AXDND1: variants seen among roughly 807,000 people sequenced by gnomAD.
The protein encoded by AXDND1 is axonemal dynein light chain domain containing 1, also known as axonemal dynein light chain domain-containing protein 1.
In AXDND1, 110 loss-of-function variants were observed where a neutral mutation model predicts 137.5. That is an observed-to-expected ratio of 0.80 (90% confidence interval 0.69 to 0.94). The LOEUF (loss-of-function observed/expected upper bound fraction) is 0.94. Among genes scored for constraint, AXDND1 ranks in the 40% least tolerant of loss-of-function variants. AXDND1 has a pLI of 0.00. For synonymous variants in AXDND1, 414 were observed against 399.7 expected, an observed-to-expected ratio of 1.04 and a Z score of -0.43; for missense variants, 1,191 against 1,169.8, an observed-to-expected ratio of 1.02 and a Z score of -0.26.
intron 15 of AXDND1, among the ~76,000 whole-genome samples, chr1:179,442,640 C>T (rs1205204350): frequency 2.6e-5 from 4 of 152,126 alleles, no homozygotes; most frequent in African/African-American, 9.7e-5. Flanking sequence ...GAAAACTTCC[C>T]ATTCCCATTA....
chr1:179,534,899 G>T lies in AXDND1; in HGVS notation c.2968G>T (p.Glu990Ter), dbSNP rs1278210663. ...NQDEREVKEE[E>*]EQQEEEEVRS... ...AGATGAAAGAGAAGTAAAAGAAGAAGAAGAACAACAAGAAGAAGAAGAAGT... is the reference window on the plus strand; with the variant it reads ...AGATGAAAGAGAAGTAAAAGAAGAATAAGAACAACAAGAAGAAGAAGAAGT... Residue 990 changes from glutamate (E) to a stop codon, truncating the protein, a stop_gained, in exon 25 of 26, where the codon GAA (glutamate) becomes TAA (stop). Coordinates refer to ENST00000367618, the MANE Select transcript of AXDND1 (RefSeq NM_144696.6). LOFTEE classifies it high-confidence loss of function. 1 of 1,585,434 alleles carries T rather than the reference G, an allele frequency of 6.3e-7. No homozygotes were observed. Among genetic ancestry groups the T allele is most frequent in the Non-Finnish European group, 8.6e-7 (1 of 1,163,534 alleles).
intron 16 of AXDND1, chr1:179,454,529 G>A (rs1661013592): frequency 6.6e-6 from 1 of 152,270 alleles, no homozygotes. Context: ...CATGGGAATG[G>A]AGAAGAGGAA....
chr1:179,499,381 A>G (rs1218636954), intron 20 of AXDND1, among the ~76,000 whole-genome samples: 1 of 152,054 alleles, frequency 6.6e-6, no homozygotes, highest in East Asian at 1.9e-4. Context: ...AAAATATTTC[A>G]AAAGACCTCA....
At chr1:179,389,846 A>T (rs950115294) in intron 9 of AXDND1, among the ~76,000 whole-genome samples, 2 of 152,020 alleles carry the variant, frequency 1.3e-5, no homozygotes, top group Non-Finnish European at 2.9e-5. Context: ...TTTTAAATTG[A>T]TATTTCCAAT....
chr1:179,508,906 A>G (rs1345840152), intron 20 of AXDND1, among the ~76,000 whole-genome samples: 1 of 152,194 alleles, frequency 6.6e-6, no homozygotes, highest in Non-Finnish European at 1.5e-5. Context: ...AATGCTTAGA[A>G]CAGAGTCTGG....
At chr1:179,388,845 C>T (rs1049840149) in intron 9 of AXDND1, among the ~76,000 whole-genome samples, 3 of 151,994 alleles carry the variant, frequency 2.0e-5, no homozygotes, top group Non-Finnish European at 1.5e-5. Flanking sequence ...ATCCGCCCAC[C>T]TCAGCCTCCC....
chr1:179,396,793 T>C (rs1284412451), intron 11 of AXDND1, among the ~76,000 whole-genome samples: 1 of 152,232 alleles, frequency 6.6e-6, no homozygotes, highest in Non-Finnish European at 1.5e-5. Flanking sequence ...TAATGTATAA[T>C]TTATGTATCA....
intron 2 of AXDND1, 47 bp from the exon 3 acceptor site, chr1:179,368,753 T>G (rs1247749471): frequency 1.3e-6 from 2 of 1,491,616 alleles, no homozygotes; most frequent in African/African-American, 2.8e-5. Flanking sequence ...TCCATCTAAC[T>G]TAAAAAAATA....
chr1:179,466,707 G>A (rs1276880012), intron 16 of AXDND1, among the ~76,000 whole-genome samples: 3 of 151,856 alleles, frequency 2.0e-5, no homozygotes, highest in South Asian at 2.1e-4. Flanking sequence ...TTTTTGTCTT[G>A]GTTTTGAGTC....
intron 25 of AXDND1, chr1:179,546,219 C>T (rs1258585236): frequency 2.0e-5 from 3 of 151,416 alleles, no homozygotes; most frequent in African/African-American, 4.9e-5. Context: ...GAAGGAAGGA[C>T]GCCTTGCGGT....
At chr1:179,506,742 C>T (rs1668575888) in intron 20 of AXDND1, 1 of 505,600 alleles carries the variant, frequency 2.0e-6, no homozygotes, top group African/African-American at 2.1e-5. Flanking sequence ...AAAAACAAAA[C>T]AAAACTTCCT....
At chr1:179,532,744 G>T (rs1252292904) in intron 23 of AXDND1, among the ~76,000 whole-genome samples, 1 of 151,828 alleles carries the variant, frequency 6.6e-6, no homozygotes, top group Non-Finnish European at 1.5e-5. Flanking sequence ...AACTGGCTGG[G>T]CATGGTGGTG....
At chr1:179,441,761 C>G (rs1659019381) in intron 15 of AXDND1, among the ~76,000 whole-genome samples, 1 of 152,168 alleles carries the variant, frequency 6.6e-6, no homozygotes, top group African/African-American at 2.4e-5. Context: ...CATTCCAGGT[C>G]TGAATAAGGG....
At chr1:179,536,762 A>C (rs1007517458) in intron 25 of AXDND1, among the ~76,000 whole-genome samples, 18 of 152,122 alleles carry the variant, frequency 1.2e-4, no homozygotes, top group African/African-American at 4.3e-4. Context: ...GTGAGTGGCA[A>C]CTTGGTGGGG....
intron 16 of AXDND1, among the ~76,000 whole-genome samples, chr1:179,458,077 A>G (rs1158208039): frequency 6.6e-6 from 1 of 151,076 alleles, no homozygotes; most frequent in Non-Finnish European, 1.5e-5. Flanking sequence ...GCAGCCTCAA[A>G]CTGCCATGCT....
chr1:179,459,853 T>G (rs1410850454), intron 16 of AXDND1, among the ~76,000 whole-genome samples: 1 of 149,582 alleles, frequency 6.7e-6, no homozygotes, highest in Non-Finnish European at 1.5e-5. Context: ...CTTCCTTCCT[T>G]CCTTTCTTTC....
Position 179,386,411 on chromosome 1 carries a change from T to C in AXDND1, c.863+1052T>C, listed in dbSNP as rs150174840. On this transcript the variant is annotated intron_variant, in intron 9 of 25. Coordinates refer to ENST00000367618, the MANE Select transcript of AXDND1 (RefSeq NM_144696.6). ...ACTATGCTATGACTTGGTGTAGTTT[T>C]TTTTCACGTTTCTTGTGCTTGGTGC... is the stretch of plus-strand genomic sequence containing the variant. 3.3e-3 allele frequency among the ~76,000 whole-genome samples: 506 copies of C among 152,284 alleles called. 4 individuals are homozygous for C. The highest frequency in any genetic ancestry group is 0.012 in the African/African-American group (483 of 41,564).
Position 179,430,566 on chromosome 1 carries a change from ATTG to A in AXDND1, c.1450_1452del (p.Val484del), listed in dbSNP as rs1304734204. 11 of 1,613,794 alleles carry A rather than the reference ATTG, an allele frequency of 6.8e-6. No homozygotes were observed. The highest frequency in any genetic ancestry group is 9.3e-6 in the Non-Finnish European group (11 of 1,179,908). Reference sequence around the variant, plus strand: ...AGAGTCTACAAGCGAGACACTGAAAATTGTTAAGGATGGGCTTATCAAATGGCA... The same window carrying A: ...AGAGTCTACAAGCGAGACACTGAAAATTAAGGATGGGCTTATCAAATGGCA... On this transcript the variant is annotated inframe_deletion, in exon 14 of 26. Transcript: ENST00000367618.
At chr1:179,414,811 C>T (rs758781181) in intron 12 of AXDND1, among the ~76,000 whole-genome samples, 1 of 151,758 alleles carries the variant, frequency 6.6e-6, no homozygotes, top group Non-Finnish European at 1.5e-5. Context: ...TTTATAAAAC[C>T]CATCTGGAAG....
Sources: allele counts gnomAD v4.1 joint callset (sites outside exome capture counted in the v4.1 genomes callset), GRCh38; gene constraint gnomAD v4.1.1; transcripts MANE v1.5; gene names NCBI Gene and HGNC (gene_info 2026-07-23, HGNC 2026-07-21).